The following CLMP variants were observed in gnomAD, a reference collection of about 807,000 sequenced individuals.
The protein encoded by CLMP is CXADR-like membrane protein.
CLMP carries 27 observed loss-of-function variants against 45.2 expected under a neutral mutation model. The observed-to-expected ratio is 0.60, with a 90% CI of 0.44 to 0.82. CLMP has a LOEUF of 0.82. Ranked by LOEUF, CLMP falls within the 40% of genes least tolerant of loss-of-function variation. The probability of loss-of-function intolerance (pLI) is 0.00; values close to 1 mark genes in which losing one functional copy is unlikely to be tolerated. For missense variants in CLMP, 403 were observed against 448.4 expected (o/e 0.90, Z 0.91); for synonymous variants, 167 against 171.4 (o/e 0.97, Z 0.20).
intron 1 of CLMP, among the ~76,000 whole-genome samples, chr11:123,136,645 G>A (rs559304053): frequency 7.6e-6 from 1 of 131,936 alleles, no homozygotes; most frequent in South Asian, 2.4e-4. Flanking sequence ...TTGGCTCACT[G>A]TAATCTCCGC....
intron 1 of CLMP, among the ~76,000 whole-genome samples, chr11:123,112,226 T>C (rs1172095547): frequency 6.6e-6 from 1 of 152,194 alleles, no homozygotes; most frequent in Non-Finnish European, 1.5e-5. Context: ...TACGAAACCC[T>C]GGAATGCTCT....
chr11:123,121,045 A>G (rs1309413328), intron 1 of CLMP, among the ~76,000 whole-genome samples: 1 of 148,980 alleles, frequency 6.7e-6, no homozygotes, highest in Non-Finnish European at 1.5e-5. Flanking sequence ...GGAGAATGAC[A>G]TGAATCTGGA....
chr11:123,084,822 C>T, intron 2 of CLMP, 109 bp from the exon 3 acceptor site: 1 of 893,964 alleles, frequency 1.1e-6, no homozygotes, highest in Admixed American at 2.2e-5. Flanking sequence ...AGTAGTCAAG[C>T]CTGGGGCTGA....
At chr11:123,105,826 T>G (rs555818134) in intron 1 of CLMP, among the ~76,000 whole-genome samples, 12 of 122,666 alleles carry the variant, frequency 9.8e-5, no homozygotes, top group Non-Finnish European at 1.8e-4. Context: ...GTTTTTTGTT[T>G]TTTTTTTTTT....
At chr11:123,177,859 T>C (rs2135545708) in intron 1 of CLMP, among the ~76,000 whole-genome samples, 1 of 152,290 alleles carries the variant, frequency 6.6e-6, no homozygotes, top group Non-Finnish European at 1.5e-5. Context: ...TTTATTTAAT[T>C]ATTTTATTAT....
In CLMP at chr11:123,073,659, G is replaced by A. The variant is rs142752755; in HGVS notation, c.937C>T (p.Arg313Cys). ...TCAGTTGACAGTGTCCGCTGGCTGC[G>A]TGAGGCACTATTTGCTGTGGAGCGA... ...STRSTANSAS[R>C]SQRTLSTDAA... Residue 313 changes from arginine to cysteine, a missense_variant, in exon 7 of 7, where the codon CGC becomes TGC. Coordinates refer to ENST00000448775, the MANE Select transcript of CLMP (RefSeq NM_024769.5). The A allele has an allele frequency of 1.4e-5, 22 of 1,614,136 alleles. 1 individual carries two copies. The East Asian group carries it at 1.6e-4, about 11-fold the overall frequency.
In CLMP at chr11:123,172,359, C is replaced by T. The variant is rs1185156490; in HGVS notation, c.28+22554G>A. 2.6e-5 allele frequency among the ~76,000 whole-genome samples: 4 copies of T among 152,190 alleles called. No homozygotes were observed. In the East Asian group the frequency reaches 7.7e-4, roughly 29 times the overall value. ...ATCTCCTGACCTTGTGATCCACCTG[C>T]CTCGATCTCCCTAAGTGCTGGGATT... On this transcript the variant is annotated intron_variant, in intron 1 of 6. Transcript: ENST00000448775.
At chr11:123,145,409 CT>C (rs1861221636) in intron 1 of CLMP, among the ~76,000 whole-genome samples, 1 of 147,508 alleles carries the variant, frequency 6.8e-6, no homozygotes, top group South Asian at 2.1e-4. Flanking sequence ...ACGTCACAGA[CT>C]TTGTCAGCGT....
chr11:123,095,266 G>A (rs1204253316), intron 2 of CLMP, among the ~76,000 whole-genome samples: 1 of 151,548 alleles, frequency 6.6e-6, no homozygotes, highest in Non-Finnish European at 1.5e-5. Flanking sequence ...AGTTAGATGT[G>A]TGAAATTGCT....
At chr11:123,102,741 G>A (rs1165876806) in intron 1 of CLMP, among the ~76,000 whole-genome samples, 1 of 105,302 alleles carries the variant, frequency 9.5e-6, no homozygotes, top group Non-Finnish European at 1.8e-5. Flanking sequence ...ATTTTTAGTA[G>A]AGACAGGATT....
chr11:123,150,865 T>A (rs948608090), intron 1 of CLMP, among the ~76,000 whole-genome samples: 8 of 152,120 alleles, frequency 5.3e-5, no homozygotes, highest in African/African-American at 1.9e-4. Flanking sequence ...TACAGGCACA[T>A]GCCACCACTC....
intron 1 of CLMP, among the ~76,000 whole-genome samples, chr11:123,167,701 C>T (rs905541967): frequency 6.6e-6 from 1 of 152,168 alleles, no homozygotes; most frequent in African/African-American, 2.4e-5. Context: ...TGGATTATAG[C>T]CCCAGCTCTG....
chr11:123,097,843 A>G lies in CLMP; in HGVS notation c.138T>C (p.Thr46=), dbSNP rs1866008322. Residue 46 remains threonine (T), a synonymous_variant, in exon 2 of 7, where the codon ACT becomes ACC. Coordinates refer to ENST00000448775, the MANE Select transcript of CLMP (RefSeq NM_024769.5). ...HHQLGLPEKD[T]LDIEWLLTDN... ...CGGTGAGCAGCCATTCAATATCCAG[A>G]GTGTCTTTTTCTGGAAGCCCCAGTT... 1 of 1,609,850 alleles carries G rather than the reference A, an allele frequency of 6.2e-7. No individual in the cohort carries two copies. The highest frequency in any genetic ancestry group is 8.5e-7 in the Non-Finnish European group (1 of 1,178,132).
chr11:123,133,412 G>A (rs958899270), intron 1 of CLMP, among the ~76,000 whole-genome samples: 3 of 152,086 alleles, frequency 2.0e-5, no homozygotes, highest in South Asian at 2.1e-4. Flanking sequence ...TCTTACCCTT[G>A]CTTCCTTTTA....
At chr11:123,112,218 C>T (rs947807922) in intron 1 of CLMP, among the ~76,000 whole-genome samples, 1 of 152,118 alleles carries the variant, frequency 6.6e-6, no homozygotes, top group Non-Finnish European at 1.5e-5. Context: ...CAGTAAATTA[C>T]GAAACCCTGG....
At chr11:123,086,069 G>A (rs556519809) in intron 2 of CLMP, among the ~76,000 whole-genome samples, 37 of 152,048 alleles carry the variant, frequency 2.4e-4, no homozygotes, top group African/African-American at 7.0e-4. Context: ...GAGCCACTGC[G>A]CCTGGCCCTA....
At chr11:123,117,989 C>T (rs1297989377) in intron 1 of CLMP, among the ~76,000 whole-genome samples, 2 of 152,150 alleles carry the variant, frequency 1.3e-5, no homozygotes, top group Non-Finnish European at 2.9e-5. Context: ...CACCTATGAT[C>T]ACTGGGGAGA....
At chr11:123,110,088 A>G (rs1490397449) in intron 1 of CLMP, among the ~76,000 whole-genome samples, 1 of 152,188 alleles carries the variant, frequency 6.6e-6, no homozygotes, top group African/African-American at 2.4e-5. Flanking sequence ...TTTGGTCAGA[A>G]TTACGGAATC....
chr11:123,180,980 C>T (rs567744920), intron 1 of CLMP, among the ~76,000 whole-genome samples: 16 of 152,110 alleles, frequency 1.1e-4, no homozygotes, highest in Non-Finnish European at 2.1e-4. Context: ...GACTGGGGGC[C>T]CGGGGTGTGT....
Sources: gnomAD v4.1 joint callset for allele counts (sites outside exome capture counted in the v4.1 genomes callset) on GRCh38, gnomAD v4.1.1 for gene constraint, MANE v1.5 for transcripts, NCBI Gene and HGNC (gene_info 2026-07-23, HGNC 2026-07-21) for gene names.